Variants in PCDHA2 observed in about 807,000 individuals in gnomAD.
The protein encoded by PCDHA2 is protocadherin alpha-2.
Under a neutral mutation model 66.0 loss-of-function variants are expected in PCDHA2, and 58 were observed. That is an observed-to-expected ratio of 0.88 (90% CI 0.71 to 1.09). PCDHA2 has a LOEUF of 1.09. PCDHA2 is among the 50% of genes least tolerant of loss of function. PCDHA2 has a pLI of 0.00. For synonymous variants in PCDHA2, 634 were observed against 554.0 expected, an observed-to-expected ratio of 1.14 and a Z score of -2.03; for missense variants, 1,267 against 1,242.3, an observed-to-expected ratio of 1.02 and a Z score of -0.30.
intron 1 of PCDHA2, among the ~76,000 whole-genome samples, chr5:140,964,979 G>A (rs1325298604): frequency 1.3e-5 from 2 of 152,204 alleles, no homozygotes; most frequent in African/African-American, 4.8e-5. Flanking sequence ...GGATGTGCTA[G>A]TTCAGGCCTT....
intron 1 of PCDHA2, chr5:140,877,253 T>G (rs2056969600): frequency 1.2e-6 from 2 of 1,613,576 alleles, no homozygotes; most frequent in Non-Finnish European, 8.5e-7. Context: ...GTGGCGAAAG[T>G]GCGCGCGGTG....
intron 1 of PCDHA2, among the ~76,000 whole-genome samples, chr5:140,879,706 A>T (rs2058090742): frequency 6.6e-6 from 1 of 152,246 alleles, no homozygotes; most frequent in African/African-American, 2.4e-5. Context: ...ATTATTTCTC[A>T]GTATTGGAGA....
intron 1 of PCDHA2, chr5:140,849,742 A>G: frequency 6.3e-7 from 1 of 1,598,398 alleles, no homozygotes; most frequent in South Asian, 1.1e-5. Context: ...CTGGACCGCG[A>G]GAGTGTGTCC....
rs2150130231 is a variant in PCDHA2, at chr5:140,823,910, T to G, written c.2388+26558T>G. On this transcript the variant is annotated intron_variant, in intron 1 of 3. Coordinates refer to ENST00000526136, the MANE Select transcript of PCDHA2 (RefSeq NM_018905.3). Reference sequence around the variant, plus strand: ...TGTGCGGTGTCCAGCCTGCTGGTGCTCACGCTGCTGCTGTACACCGCGCTG... The same window carrying G: ...TGTGCGGTGTCCAGCCTGCTGGTGCGCACGCTGCTGCTGTACACCGCGCTG... The G allele has an allele frequency of 2.2e-4, 363 of 1,613,972 alleles. No individual in the cohort carries two copies. The African/African-American group carries it at 4.2e-3, about 19-fold the overall frequency.
intron 1 of PCDHA2, chr5:140,883,017 C>G: frequency 6.2e-7 from 1 of 1,614,054 alleles, no homozygotes. Context: ...TATAAAGTGA[C>G]GGTGTTAGAG....
rs782527785 is a variant in PCDHA2, at chr5:140,882,593, A to C, written c.2388+85241A>C. 1.9e-6 allele frequency: 3 copies of C among 1,614,126 alleles called. No homozygotes were observed. In the African/African-American group the frequency reaches 4.0e-5, roughly 22 times the overall value. On this transcript the variant is annotated intron_variant, in intron 1 of 3. Coordinates refer to ENST00000526136, the MANE Select transcript of PCDHA2 (RefSeq NM_018905.3). ...GGAGTGCAGCATCCACCTGGAGGTG[A>C]TCGTGGACAGGCCTCTGCAGGTTTT...
chr5:140,969,907 G>A (rs2096367708), intron 1 of PCDHA2, among the ~76,000 whole-genome samples: 1 of 152,204 alleles, frequency 6.6e-6, no homozygotes, highest in Non-Finnish European at 1.5e-5. Context: ...CATGTCACAA[G>A]TGATAAAGCT....
chr5:140,914,590 T>C (rs886666163), intron 1 of PCDHA2, among the ~76,000 whole-genome samples: 1 of 152,208 alleles, frequency 6.6e-6, no homozygotes, highest in African/African-American at 2.4e-5. Flanking sequence ...TTCATTTAAG[T>C]AGGAACTTCC....
rs1554119778 is a variant in PCDHA2, at chr5:140,796,239, G to T, written c.1275G>T (p.Val425=). Residue 425 remains valine, a synonymous_variant, in exon 1 of 4, where the codon GTG becomes GTT. Coordinates refer to ENST00000526136, the MANE Select transcript of PCDHA2 (RefSeq NM_018905.3). The part of the protein sequence containing the change: ...RESVSAYELV[V]TARDGGSPSL... ...GCGTGTCAGCCTATGAGCTGGTGGT[G>T]ACCGCACGGGACGGGGGCTCGCCTT... 2 of 1,614,168 alleles carry T rather than the reference G, an allele frequency of 1.2e-6. No homozygotes were observed. Among genetic ancestry groups the T allele is most frequent in the Non-Finnish European group, 1.7e-6 (2 of 1,180,048 alleles).
rs1319882145 is a variant in PCDHA2, at chr5:140,858,933, A to G, written c.2388+61581A>G. ...GCTTATACTGCCATAGTAGATTTCA[A>G]TGTTCAGTGATTACAGCTTTTTCTC... is the stretch of plus-strand genomic sequence containing the variant. On this transcript the variant is annotated intron_variant, in intron 1 of 3. Transcript: ENST00000526136. The G allele has an allele frequency of 6.2e-5, 10 of 160,710 alleles. 1 individual carries two copies. The highest frequency in any genetic ancestry group is 2.4e-4 in the African/African-American group (10 of 41,146). The allele number at this position is 160,710 out of a possible 1,614,324, so 10.0% of individuals were successfully genotyped here. A position where few individuals can be genotyped will look rare whatever the true frequency, so the allele number is the denominator to read the frequency against.
At chr5:140,910,935 C>T (rs192394348) in intron 1 of PCDHA2, among the ~76,000 whole-genome samples, 4 of 152,192 alleles carry the variant, frequency 2.6e-5, no homozygotes, top group African/African-American at 9.6e-5. Context: ...TAAGAAAGCT[C>T]AAGCAGTTCT....
At position 140,856,827 on chromosome 5, in the gene PCDHA2, T is replaced by C. The variant is rs1201833720; in HGVS notation, c.2388+59475T>C. 4.4e-6 allele frequency: 7 copies of C among 1,592,096 alleles called. 1 individual carries two copies. The African/African-American group carries it at 5.4e-5, about 12-fold the overall frequency. ...GAAAATCAAGTGAACCAAACATTAG[T>C]AATACGGCTCAACGCTTCTGATTCG... is the stretch of plus-strand genomic sequence containing the variant. On this transcript the variant is annotated intron_variant, in intron 1 of 3. Transcript: ENST00000526136.
intron 1 of PCDHA2, among the ~76,000 whole-genome samples, chr5:140,918,605 G>T (rs2078775246): frequency 6.6e-6 from 1 of 152,198 alleles, no homozygotes; most frequent in Non-Finnish European, 1.5e-5. Flanking sequence ...ATGTTGCTAT[G>T]ATATGAATGT....
intron 1 of PCDHA2, chr5:140,824,003 C>T: frequency 6.2e-7 from 1 of 1,614,094 alleles, no homozygotes; most frequent in African/African-American, 1.3e-5. Context: ...TGCTCCAGCG[C>T]GGTGGGGAGC....
chr5:140,986,218 T>A (rs2153838096), intron 3 of PCDHA2, among the ~76,000 whole-genome samples: 1 of 152,304 alleles, frequency 6.6e-6, no homozygotes, highest in Non-Finnish European at 1.5e-5. Flanking sequence ...GGCCCCTTTC[T>A]CTAGCCTCCC....
chr5:140,954,116 G>A (rs1190456994), intron 1 of PCDHA2, among the ~76,000 whole-genome samples: 2 of 152,118 alleles, frequency 1.3e-5, no homozygotes, highest in East Asian at 3.9e-4. Context: ...ACAAGATCTT[G>A]TTCCTTTTTA....
chr5:140,884,101 G>T lies in PCDHA2; in HGVS notation c.2388+86749G>T, dbSNP rs782222820. 6 of 1,613,486 alleles carry T rather than the reference G, an allele frequency of 3.7e-6. No individual in the cohort carries two copies. The highest frequency in any genetic ancestry group is 3.3e-4 in the Middle Eastern group (2 of 6,042). On this transcript the variant is annotated intron_variant, in intron 1 of 3. Coordinates refer to ENST00000526136, the MANE Select transcript of PCDHA2 (RefSeq NM_018905.3). ...ACAATGCGTGGCTTTCGTATGAATT[G>T]CAGCTGGCGGCGGTCGGCGCGCGCA...
At chr5:140,894,066 A>G (rs997633914) in intron 1 of PCDHA2, among the ~76,000 whole-genome samples, 1 of 152,204 alleles carries the variant, frequency 6.6e-6, no homozygotes, top group Admixed American at 6.5e-5. Context: ...ATTTTTAAAT[A>G]CATTTATTTT....
intron 1 of PCDHA2, chr5:140,966,556 A>C (rs2096021446): frequency 8.5e-6 from 4 of 469,720 alleles, no homozygotes; most frequent in Admixed American, 8.7e-5. Context: ...CGAGCGGAGG[A>C]GCTGGAATAT....
Sources: allele counts gnomAD v4.1 joint callset (sites outside exome capture counted in the v4.1 genomes callset), GRCh38; gene constraint gnomAD v4.1.1; transcripts MANE v1.5; gene names NCBI Gene and HGNC (gene_info 2026-07-23, HGNC 2026-07-21).